MAPK10: variants seen among roughly 807,000 people sequenced by gnomAD.
The protein encoded by MAPK10 is JNK3 alpha protein kinase.
Under a neutral mutation model 59.3 loss-of-function variants are expected in MAPK10, and 25 were observed. The ratio of observed to expected loss-of-function variants is 0.42; its 90% confidence interval spans 0.31 to 0.59. The LOEUF is 0.59. Among genes scored for constraint, MAPK10 ranks in the 20% least tolerant of loss-of-function variants. The pLI, the probability that MAPK10 is intolerant of heterozygous loss-of-function variation, is 0.15. For missense variants in MAPK10, 351 were observed against 568.9 expected (o/e 0.62, Z 3.90); for synonymous variants, 190 against 200.5 (o/e 0.95, Z 0.44).
chr4:86,060,709 T>G (rs1002484), intron 11 of MAPK10, among the ~76,000 whole-genome samples: 2 of 152,158 alleles, frequency 1.3e-5, no homozygotes, highest in African/African-American at 4.8e-5. Context: ...ATTTGTGGAA[T>G]CTATAATGTG....
chr4:86,218,367 AG>A (rs2088381068), intron 2 of MAPK10, among the ~76,000 whole-genome samples: 2 of 152,180 alleles, frequency 1.3e-5, no homozygotes, highest in South Asian at 4.2e-4. Flanking sequence ...TTTTTAGTAG[AG>A]ACAGGGTTTC....
At chr4:86,229,626 G>T (rs1349400030) in intron 2 of MAPK10, among the ~76,000 whole-genome samples, 1 of 151,814 alleles carries the variant, frequency 6.6e-6, no homozygotes, top group Non-Finnish European at 1.5e-5. Flanking sequence ...GAAAACAACT[G>T]GCTTTTTTCA....
At chr4:86,087,506 T>C (rs1163936122) in intron 9 of MAPK10, among the ~76,000 whole-genome samples, 4 of 152,150 alleles carry the variant, frequency 2.6e-5, no homozygotes, top group Admixed American at 2.6e-4. Context: ...GCCAGCTAGT[T>C]TCAAATAGCA....
chr4:86,259,270 C>T (rs1445536362), intron 2 of MAPK10, among the ~76,000 whole-genome samples: 1 of 152,088 alleles, frequency 6.6e-6, no homozygotes, highest in African/African-American at 2.4e-5. Flanking sequence ...TCTATATTTC[C>T]ATTCCAAATC....
intron 2 of MAPK10, among the ~76,000 whole-genome samples, chr4:86,331,689 T>A (rs1193501329): frequency 1.3e-5 from 2 of 152,204 alleles, no homozygotes; most frequent in Admixed American, 1.3e-4. Flanking sequence ...CAACAAAGAA[T>A]ATTCGCTATG....
intron 11 of MAPK10, among the ~76,000 whole-genome samples, chr4:86,063,813 A>C (rs2046202667): frequency 6.6e-6 from 1 of 152,156 alleles, no homozygotes; most frequent in African/African-American, 2.4e-5. Context: ...CAAAGCCACC[A>C]ATCGTTTTAA....
intron 2 of MAPK10, among the ~76,000 whole-genome samples, chr4:86,295,791 A>G (rs889042075): frequency 1.1e-3 from 156 of 147,194 alleles, no homozygotes; most frequent in Non-Finnish European, 6.7e-4. Context: ...TATTCTCTAT[A>G]TTTCCCATCC....
chr4:86,401,955 T>C (rs1743781684), intron 1 of MAPK10, among the ~76,000 whole-genome samples: 1 of 152,146 alleles, frequency 6.6e-6, no homozygotes. Flanking sequence ...TATGTTCTAC[T>C]GTCAGAGCTC....
rs560777344 is a variant in MAPK10 at position 86,409,095 on chromosome 4, G to A, written c.-122+43935C>T. ...ATTTTTGTATAAGGTGTAAGGAAGG[G>A]ATCCAGTTTCAGCTTTCTACATGTG... On this transcript the variant is annotated intron_variant, in intron 1 of 13. Coordinates refer to the MAPK10 transcript ENST00000361569. 3.5e-4 allele frequency among the ~76,000 whole-genome samples: 53 copies of A among 152,256 alleles called. 1 individual carries two copies. The highest frequency in any genetic ancestry group is 1.2e-3 in the African/African-American group (51 of 41,542).
At chr4:86,531,244 C>T (rs566423152) in intron 1 of MAPK10, among the ~76,000 whole-genome samples, 1 of 152,184 alleles carries the variant, frequency 6.6e-6, no homozygotes, top group African/African-American at 2.4e-5. Flanking sequence ...CTAAGCAAGT[C>T]ATAAAGTAAT....
At chr4:86,130,909 G>T (rs907609648) in intron 4 of MAPK10, among the ~76,000 whole-genome samples, 1 of 152,146 alleles carries the variant, frequency 6.6e-6, no homozygotes, top group Non-Finnish European at 1.5e-5. Context: ...CATACAATCT[G>T]AATGTTTTTC....
chr4:86,313,464 A>T (rs1228900448), intron 2 of MAPK10, among the ~76,000 whole-genome samples: 1 of 151,896 alleles, frequency 6.6e-6, no homozygotes, highest in Non-Finnish European at 1.5e-5. Context: ...ACATGGAAAG[A>T]TGTTGAAATC....
chr4:86,244,195 AAAG>A (rs1490678977), intron 2 of MAPK10, among the ~76,000 whole-genome samples: 7 of 152,198 alleles, frequency 4.6e-5, no homozygotes, highest in Admixed American at 1.3e-4. Context: ...AAAAGCATAA[AAAG>A]GAGGAGAGAC....
intron 1 of MAPK10, among the ~76,000 whole-genome samples, chr4:86,466,659 T>C (rs570310381): frequency 6.6e-6 from 1 of 152,280 alleles, no homozygotes; most frequent in African/African-American, 2.4e-5. Context: ...AAAAATCAAG[T>C]CTTTCACAGA....
intron 2 of MAPK10, among the ~76,000 whole-genome samples, chr4:86,204,879 A>T (rs1563072699): frequency 6.6e-6 from 1 of 151,880 alleles, no homozygotes; most frequent in East Asian, 1.9e-4. Context: ...ATATTGTAGC[A>T]CTCTCAGATA....
intron 1 of MAPK10, among the ~76,000 whole-genome samples, chr4:86,469,288 A>G (rs1752472481): frequency 6.6e-6 from 1 of 152,214 alleles, no homozygotes; most frequent in African/African-American, 2.4e-5. Flanking sequence ...AATTGTGATC[A>G]ATAAATGGAA....
chr4:86,359,528 A>T (rs539570901), intron 1 of MAPK10, 130 bp downstream of exon 1: 3 of 235,378 alleles, frequency 1.3e-5, no homozygotes, highest in South Asian at 1.5e-4. Flanking sequence ...TCACTTGATT[A>T]ACCTGCTTTC....
intron 1 of MAPK10, among the ~76,000 whole-genome samples, chr4:86,558,631 G>GT (rs1760444788): frequency 6.6e-6 from 1 of 152,000 alleles, no homozygotes; most frequent in African/African-American, 2.4e-5. Context: ...AATGTTTCTT[G>GT]TTTAGCAACA....
chr4:86,192,056 C>T (rs921628485), intron 3 of MAPK10: 5 of 152,118 alleles, frequency 3.3e-5, no homozygotes, highest in African/African-American at 1.2e-4. Context: ...ATATGAAATT[C>T]TGGGTTGAAA....
Sources: gnomAD v4.1 joint callset for allele counts (sites outside exome capture counted in the v4.1 genomes callset) on GRCh38, gnomAD v4.1.1 for gene constraint, MANE v1.5 for transcripts, NCBI Gene and HGNC (gene_info 2026-07-23, HGNC 2026-07-21) for gene names.